Variants in ITGA5 observed in about 807,000 individuals in gnomAD.
The protein encoded by ITGA5 is integrin alpha-5.
ITGA5 carries 55 observed loss-of-function variants against 146.3 expected under a neutral mutation model. That is an observed-to-expected ratio of 0.38 (90% CI 0.30 to 0.47). The LOEUF (loss-of-function observed/expected upper bound fraction) is 0.47. Ranked by LOEUF, ITGA5 falls within the 20% of genes least tolerant of loss-of-function variation. The pLI is 0.99. For missense variants in ITGA5, 1,131 were observed against 1,329.0 expected (o/e 0.85, Z 2.32); for synonymous variants, 500 against 531.8 (o/e 0.94, Z 0.82).
rs753370075 is a variant in ITGA5 at position 54,403,721 on chromosome 12, T to A, written c.1680A>T (p.Ala560=). 11 of 1,614,006 alleles carry A rather than the reference T, an allele frequency of 6.8e-6. No homozygotes were observed. The highest frequency in any genetic ancestry group is 5.9e-6 in the Non-Finnish European group (7 of 1,179,992). The part of the protein sequence containing the change: ...WQKQKGGVRR[A]LFLASRQATL... ...TTGCCTGCCTGGAGGCCAGGAACAG[T>A]GCCCGCCGTACCCCTCCCTTCTGCT... The change falls in exon 17 of 30, where the codon GCA becomes GCT. Residue 560 remains alanine, a synonymous_variant. Transcript: ENST00000293379. This position sits in a 1 kb window ranked among gnomAD's most constrained non-coding sequence, Gnocchi z 4.9.
chr12:54,398,842 T>A, intron 27 of ITGA5, 144 bp from the exon 28 acceptor site: 1 of 521,842 alleles, frequency 1.9e-6, no homozygotes, highest in Non-Finnish European at 3.3e-6. Flanking sequence ...TCTCTTTTTT[T>A]TTTTTTTTTT....
rs868446047 is a variant in ITGA5 at position 54,401,825 on chromosome 12, G to A, written c.2257C>T (p.His753Tyr). The A allele has an allele frequency of 3.1e-6, 5 of 1,614,160 alleles. 1 individual carries two copies. The highest frequency in any genetic ancestry group is 3.3e-4 in the Middle Eastern group (2 of 6,062). The change falls in exon 22 of 30, where the codon CAT becomes TAT. Residue 753 changes from histidine (H) to tyrosine (Y), a missense_variant. Around this residue, in one of 3 missense-constraint regions of ITGA5, gnomAD observed 889 missense variants for 1,021.5 expected, o/e 0.87. Transcript: ENST00000293379. The surrounding 1 kb of genome is among the most constrained non-coding windows in gnomAD (Gnocchi z 5.0). ...LWGGLRFTVPHLRDTKKTIQF... is the reference protein window; with the variant it reads ...LWGGLRFTVPYLRDTKKTIQF... ...ATGGTTTTCTTAGTGTCCCGGAGAT[G>A]AGGGACTGTAAACCGAAGGCCACCC...
chr12:54,413,054 C>T (rs1955967076), intron 1 of ITGA5: 3 of 152,442 alleles, frequency 2.0e-5, no homozygotes. Context: ...CTCTCTATCT[C>T]AGATTTTACA....
At chr12:54,407,988 C>G in intron 7 of ITGA5, 112 bp from the exon 8 acceptor site, 1 of 1,522,408 alleles carries the variant, frequency 6.6e-7, no homozygotes, top group African/African-American at 1.4e-5. Flanking sequence ...TCAGCAGGCA[C>G]ATGACAAGTA....
At chr12:54,405,743 G>T in intron 10 of ITGA5, 27 bp from the exon 11 acceptor site, 1 of 1,613,156 alleles carries the variant, frequency 6.2e-7, no homozygotes, top group Non-Finnish European at 8.5e-7. Context: ...GGCAGCGCTG[G>T]GTCAGAACTA....
At chr12:54,417,937 C>A (rs1956027726) in intron 1 of ITGA5, among the ~76,000 whole-genome samples, 1 of 152,184 alleles carries the variant, frequency 6.6e-6, no homozygotes. Flanking sequence ...ACTCCTGTTT[C>A]CCAAGCCTGT....
At chr12:54,406,154 A>ATTTTTAT (rs1209451187) in intron 9 of ITGA5, 1 of 590,460 alleles carries the variant, frequency 1.7e-6, no homozygotes, top group Non-Finnish European at 3.0e-6. Context: ...CCACTGACAG[A>ATTTTTAT]TTTTGTATTT....
chr12:54,407,416 G>A (rs1441472198), intron 9 of ITGA5: 2 of 575,340 alleles, frequency 3.5e-6, no homozygotes, highest in Non-Finnish European at 3.1e-6. Context: ...AGGTCAGAAC[G>A]ATTGTTATCC....
chr12:54,400,779 C>T, intron 25 of ITGA5, 67 bp downstream of exon 25: 1 of 1,538,930 alleles, frequency 6.5e-7, no homozygotes, highest in East Asian at 2.3e-5. Context: ...CAGCAACCTT[C>T]CCCAACCCCT....
chr12:54,409,389 T>C lies in ITGA5; in HGVS notation c.463-37A>G. On this transcript the variant is annotated intron_variant, in intron 3 of 29. Coordinates refer to ENST00000293379, the MANE Select transcript of ITGA5 (RefSeq NM_002205.5). The surrounding 1 kb of genome is among the most constrained non-coding windows in gnomAD (Gnocchi z 4.7). ...CAGGAGGAGGGGCCTTCAGATTCAGTCCAATAAGGCCCTTCCTCCCTCCCT... is the reference window on the plus strand; with the variant it reads ...CAGGAGGAGGGGCCTTCAGATTCAGCCCAATAAGGCCCTTCCTCCCTCCCT... The C allele has an allele frequency of 5.0e-6, 8 of 1,608,768 alleles. No homozygotes were observed. Among genetic ancestry groups the C allele is most frequent in the Non-Finnish European group, 6.8e-6 (8 of 1,177,646 alleles).
chr12:54,402,478 C>A (rs866299636), intron 19 of ITGA5, 148 bp from the exon 20 acceptor site: 1 of 645,040 alleles, frequency 1.6e-6, no homozygotes, highest in Middle Eastern at 3.2e-4. Flanking sequence ...GGGTGGATCA[C>A]GAGGTCAGGA....
At position 54,409,215 on chromosome 12, in the gene ITGA5, C is replaced by T. The variant is rs1485614179; in HGVS notation, c.583+17G>A. The T allele has an allele frequency of 3.8e-6, 6 of 1,599,914 alleles. No individual in the cohort carries two copies. On this transcript the variant is annotated intron_variant, in intron 4 of 29. Coordinates refer to ENST00000293379, the MANE Select transcript of ITGA5 (RefSeq NM_002205.5). The surrounding 1 kb of genome is among the most constrained non-coding windows in gnomAD (Gnocchi z 4.7). ...TGAGAAGGCAGACATGGGGCACAGG[C>T]CCCCTCTTGCCCCTACCTGAGCGGC...
In ITGA5 at chr12:54,408,247, A is replaced by T. The variant is rs1244433863; in HGVS notation, c.692-12T>A. 6.2e-7 allele frequency: 1 copy of T among 1,613,882 alleles called. No individual in the cohort carries two copies. The highest frequency in any genetic ancestry group is 8.5e-7 in the Non-Finnish European group (1 of 1,179,902). ...AGACAGGATCTGGCCTGGAGAGAGT[A>T]TGAAGAGGGAGTAGATGGAGAGGAA... On this transcript the variant is annotated splice_polypyrimidine_tract_variant and intron_variant, in intron 6 of 29. Transcript: ENST00000293379.
In ITGA5 at chr12:54,405,108, A is replaced by G. The variant is rs1021693495; in HGVS notation, c.1225+58T>C. ...TAGCTGACAGATGCCCTCTCCCCAA[A>G]TCCCTTCTGACTTGGGCCCCTGCCT... On this transcript the variant is annotated intron_variant, in intron 12 of 29. Coordinates refer to ENST00000293379, the MANE Select transcript of ITGA5 (RefSeq NM_002205.5). 1.2e-5 allele frequency: 18 copies of G among 1,450,146 alleles called. No homozygotes were observed. In the African/African-American group the frequency reaches 2.3e-4, roughly 18 times the overall value. 89.8% of individuals were successfully genotyped at this position (1,450,146 alleles called of 1,614,324 possible).
In ITGA5 at chr12:54,409,563, T is replaced by C; in HGVS notation, c.384A>G (p.Ser128=). 1.2e-6 allele frequency: 2 copies of C among 1,613,654 alleles called. No individual in the cohort carries two copies. The highest frequency in any genetic ancestry group is 8.5e-7 in the Non-Finnish European group (1 of 1,179,848). Reference sequence around the variant, plus strand: ...TGTACTCCACAGGCTCCTCTCCCTCTGAGCTGGACAGTGAGGACTCCAGGA... The same window carrying C: ...TGTACTCCACAGGCTCCTCTCCCTCCGAGCTGGACAGTGAGGACTCCAGGA... ...SRLLESSLSS[S]EGEEPVEYKS... The change falls in exon 3 of 30, where the codon TCA becomes TCG. Residue 128 remains serine, a synonymous_variant. Transcript: ENST00000293379. The surrounding 1 kb of genome is among the most constrained non-coding windows in gnomAD (Gnocchi z 4.7).
chr12:54,404,637 G>C (rs1475772408), intron 13 of ITGA5, 66 bp downstream of exon 13: 1 of 1,520,374 alleles, frequency 6.6e-7, no homozygotes. Context: ...GAAAGGTGCA[G>C]AAGAGAGAGT....
chr12:54,407,625 G>A, intron 9 of ITGA5, 24 bp downstream of exon 9: 1 of 1,600,652 alleles, frequency 6.2e-7, no homozygotes, highest in Non-Finnish European at 8.6e-7. Flanking sequence ...AGGAGAGGAA[G>A]TGAGGGGTCA....
At position 54,401,564 on chromosome 12, in the gene ITGA5, C is replaced by A. The variant is rs143761737; in HGVS notation, c.2387+21G>T. On this transcript the variant is annotated intron_variant, in intron 23 of 29. Coordinates refer to ENST00000293379, the MANE Select transcript of ITGA5 (RefSeq NM_002205.5). The surrounding 1 kb of genome is among the most constrained non-coding windows in gnomAD (Gnocchi z 5.0). ...AGTCTGTGTCCCCTCTCAGAAAGACCCCATTTTGCCTGGCACTGACCCGTT... is the reference window on the plus strand; with the variant it reads ...AGTCTGTGTCCCCTCTCAGAAAGACACCATTTTGCCTGGCACTGACCCGTT... The A allele has an allele frequency of 6.2e-7, 1 of 1,612,938 alleles. No homozygotes were observed. The highest frequency in any genetic ancestry group is 2.2e-5 in the East Asian group (1 of 44,874).
chr12:54,414,043 GCCAGGGGCATAT>G (rs1328537761), intron 1 of ITGA5, among the ~76,000 whole-genome samples: 2 of 152,198 alleles, frequency 1.3e-5, no homozygotes, highest in Non-Finnish European at 2.9e-5. Context: ...AAGCCCACAA[GCCAGGGGCATAT>G]CCATTCCGGC....
Sources: gnomAD v4.1 joint callset for allele counts (sites outside exome capture counted in the v4.1 genomes callset) on GRCh38, gnomAD v4.1.1 for gene constraint, gnomAD v4.1.1 regional missense constraint, Gnocchi (gnomAD v3.1) non-coding constraint, MANE v1.5 for transcripts, NCBI Gene and HGNC (gene_info 2026-07-23, HGNC 2026-07-21) for gene names.